Variants in TMEM117 observed in about 807,000 individuals in gnomAD.
TMEM117 encodes the protein transmembrane protein 117.
TMEM117 carries 27 observed loss-of-function variants against 52.4 expected under a neutral mutation model. The ratio of observed to expected loss-of-function variants is 0.51; its 90% confidence interval spans 0.38 to 0.71. The LOEUF is 0.71. TMEM117 is among the 30% of genes least tolerant of loss of function. The pLI, the probability that TMEM117 is intolerant of heterozygous loss-of-function variation, is 0.00. For synonymous variants in TMEM117, 215 were observed against 206.3 expected (o/e 1.04, Z -0.36); for missense variants, 556 against 630.5 (o/e 0.88, Z 1.26).
intron 3 of TMEM117, among the ~76,000 whole-genome samples, chr12:44,140,973 C>T (rs984332322): frequency 6.6e-6 from 1 of 152,114 alleles, no homozygotes; most frequent in African/African-American, 2.4e-5. Flanking sequence ...GTTTCTCCTT[C>T]CTCACTAGGA....
chr12:44,109,880 C>T (rs1948026934), intron 3 of TMEM117, among the ~76,000 whole-genome samples: 1 of 65,918 alleles, frequency 1.5e-5, no homozygotes. Context: ...TCTTTTATTT[C>T]CTTGAGCAGT....
chr12:43,855,443 A>T lies in TMEM117; in HGVS notation c.277+10515A>T, dbSNP rs185320730. 1.9e-4 allele frequency among the ~76,000 whole-genome samples: 29 copies of T among 152,240 alleles called. No individual in the cohort carries two copies. The East Asian group carries it at 4.4e-3, about 23-fold the overall frequency. On this transcript the variant is annotated intron_variant, in intron 2 of 7. Coordinates refer to ENST00000266534, the MANE Select transcript of TMEM117 (RefSeq NM_032256.3). ...CCCCAAGATAGCCAGCTGCATAAAA[A>T]TCATGATTTTTTAAAAATGCTGTAG...
At chr12:44,234,292 A>G (rs978162126) in intron 5 of TMEM117, among the ~76,000 whole-genome samples, 26 of 151,596 alleles carry the variant, frequency 1.7e-4, no homozygotes, top group African/African-American at 4.6e-4. Context: ...AGGATGATAT[A>G]TAGTCATATT....
At chr12:44,360,242 A>G (rs1006972646) in intron 6 of TMEM117, among the ~76,000 whole-genome samples, 1 of 152,128 alleles carries the variant, frequency 6.6e-6, no homozygotes, top group Non-Finnish European at 1.5e-5. Flanking sequence ...GTTTTTGGTG[A>G]CAGGTTGTTA....
intron 3 of TMEM117, among the ~76,000 whole-genome samples, chr12:44,108,155 T>A (rs1196726785): frequency 6.6e-6 from 1 of 152,140 alleles, no homozygotes; most frequent in Non-Finnish European, 1.5e-5. Context: ...TTACTTCATC[T>A]CTTTCTTTAC....
chr12:43,904,115 A>G (rs1592348646), intron 2 of TMEM117, among the ~76,000 whole-genome samples: 4 of 152,248 alleles, frequency 2.6e-5, no homozygotes, highest in Admixed American at 2.6e-4. Context: ...ACAACTTGAC[A>G]TGTTCACAAA....
At position 43,876,655 on chromosome 12, in the gene TMEM117, G is replaced by A. The variant is rs958289584; in HGVS notation, c.277+31727G>A. Reference sequence around the variant, plus strand: ...GCTCCCCTCCCCTCACCTTTTCTGAGCTTCCACTTTCTTCCTGCCTCATAG... The same window carrying A: ...GCTCCCCTCCCCTCACCTTTTCTGAACTTCCACTTTCTTCCTGCCTCATAG... On this transcript the variant is annotated intron_variant, in intron 2 of 7. Coordinates refer to ENST00000266534, the MANE Select transcript of TMEM117 (RefSeq NM_032256.3). Among the ~76,000 whole-genome samples, 4 of 152,152 alleles carry A rather than the reference G, an allele frequency of 2.6e-5. No individual in the cohort carries two copies. In the South Asian group the frequency reaches 8.3e-4, roughly 32 times the overall value.
chr12:43,864,804 A>T (rs1299442900), intron 2 of TMEM117, among the ~76,000 whole-genome samples: 1 of 152,164 alleles, frequency 6.6e-6, no homozygotes, highest in Non-Finnish European at 1.5e-5. Context: ...GGGGGTCCAC[A>T]CTGTGGGAAC....
chr12:43,959,481 T>C (rs1294737603), intron 3 of TMEM117, among the ~76,000 whole-genome samples: 5 of 152,232 alleles, frequency 3.3e-5, no homozygotes, highest in Admixed American at 3.3e-4. Context: ...AAATTTTTGT[T>C]AAGTTCACCA....
intron 1 of TMEM117, among the ~76,000 whole-genome samples, chr12:43,843,945 ACT>A (rs1269412924): frequency 6.6e-6 from 1 of 152,166 alleles, no homozygotes; most frequent in Non-Finnish European, 1.5e-5. Context: ...AGCAATCATA[ACT>A]CTGAGGAGAG....
rs140933008 is a variant in TMEM117, at chr12:44,348,890, AAG to A, written c.769-27702_769-27701del. On this transcript the variant is annotated intron_variant, in intron 6 of 7. Transcript: ENST00000266534. The stretch of plus-strand genomic sequence containing the variant: ...AGGTCTTATTCTTTTTTCATTCTGA[AAG>A]AGTATTGATTGAATGTCAGTCAGAG... Among the ~76,000 whole-genome samples, 527 of 152,054 alleles carry A rather than the reference AAG, an allele frequency of 3.5e-3. 16 individuals are homozygous for A. The highest frequency in any genetic ancestry group is 0.027 in the Admixed American group (415 of 15,236).
At chr12:44,194,474 A>G (rs1464157385) in intron 4 of TMEM117, among the ~76,000 whole-genome samples, 2 of 152,170 alleles carry the variant, frequency 1.3e-5, no homozygotes, top group Non-Finnish European at 2.9e-5. Context: ...AGAAATCCAA[A>G]CCAATATAGA....
downstream of TMEM117, among the ~76,000 whole-genome samples, chr12:44,392,576 G>A (rs1952165830): frequency 6.6e-6 from 1 of 151,894 alleles, no homozygotes; most frequent in Admixed American, 6.6e-5. Flanking sequence ...ACAATGTGCA[G>A]GTTAGTTACA....
At chr12:43,839,437 C>G (rs895384010) in intron 1 of TMEM117, among the ~76,000 whole-genome samples, 4 of 152,130 alleles carry the variant, frequency 2.6e-5, no homozygotes, top group African/African-American at 4.8e-5. Flanking sequence ...CTTAACGATC[C>G]TTAATTTGCT....
rs992933380 is a variant in TMEM117 at position 44,128,194 on chromosome 12, C to T, written c.411-15331C>T. Among the ~76,000 whole-genome samples, 11 of 152,190 alleles carry T rather than the reference C, an allele frequency of 7.2e-5. No homozygotes were observed. The South Asian group carries it at 8.3e-4, about 11-fold the overall frequency. ...AGCAGCAGCCCTGAGCTGCCCTCTC[C>T]GCTCCTCTCATGCCCTGCTGCTTCC... is the stretch of plus-strand genomic sequence containing the variant. On this transcript the variant is annotated intron_variant, in intron 3 of 7. Coordinates refer to ENST00000266534, the MANE Select transcript of TMEM117 (RefSeq NM_032256.3).
At chr12:44,028,632 T>C (rs1426130667) in intron 3 of TMEM117, among the ~76,000 whole-genome samples, 1 of 152,188 alleles carries the variant, frequency 6.6e-6, no homozygotes, top group Non-Finnish European at 1.5e-5. Flanking sequence ...GTCAGGAAGT[T>C]ACCCTATATG....
chr12:43,829,194 T>TACA, the TMEM117 span, among the ~76,000 whole-genome samples: 1 of 152,236 alleles, frequency 6.6e-6, no homozygotes, highest in Admixed American at 6.5e-5. Flanking sequence ...AAACTTCTTC[T>TACA]GTCTGGCTTT....
At chr12:44,096,405 A>C (rs1233590951) in intron 3 of TMEM117, among the ~76,000 whole-genome samples, 2 of 152,126 alleles carry the variant, frequency 1.3e-5, no homozygotes, top group Non-Finnish European at 1.5e-5. Flanking sequence ...CACATCGCCA[A>C]GTCAATCCTA....
intron 3 of TMEM117, among the ~76,000 whole-genome samples, chr12:43,982,424 C>T (rs957107171): frequency 4.6e-5 from 7 of 152,054 alleles, no homozygotes; most frequent in African/African-American, 9.7e-5. Flanking sequence ...ACTGGCTTCA[C>T]GTTAGGTACA....
Sources: allele counts gnomAD v4.1 joint callset (sites outside exome capture counted in the v4.1 genomes callset), GRCh38; gene constraint gnomAD v4.1.1; transcripts MANE v1.5; gene names NCBI Gene and HGNC (gene_info 2026-07-23, HGNC 2026-07-21).